NEGR1: variants seen among roughly 807,000 people sequenced by gnomAD.
NEGR1 encodes neuronal growth regulator 1.
A neutral mutation model predicts 40.9 loss-of-function variants in NEGR1; 10 were observed. The observed-to-expected ratio is 0.24, with a 90% CI of 0.15 to 0.42. NEGR1 has a LOEUF of 0.42. NEGR1 is among the 10% of genes least tolerant of loss of function. The pLI, the probability that NEGR1 is intolerant of heterozygous loss-of-function variation, is 1.00. For missense variants in NEGR1, 352 were observed against 438.9 expected, an observed-to-expected ratio of 0.80 and a Z score of 1.77; for synonymous variants, 185 against 166.8, an observed-to-expected ratio of 1.11 and a Z score of -0.84.
intron 2 of NEGR1, among the ~76,000 whole-genome samples, chr1:71,933,904 G>T (rs1645879335): frequency 6.6e-6 from 1 of 152,014 alleles, no homozygotes. Flanking sequence ...TTGAATTCAA[G>T]TTTACCTTTA....
chr1:71,654,355 A>G (rs1224851945), intron 4 of NEGR1, among the ~76,000 whole-genome samples: 1 of 152,190 alleles, frequency 6.6e-6, no homozygotes, highest in African/African-American at 2.4e-5. Context: ...TAATGTGCCA[A>G]TATTGTTTGA....
chr1:71,605,337 A>T (rs1212921383), intron 5 of NEGR1, among the ~76,000 whole-genome samples: 1 of 152,142 alleles, frequency 6.6e-6, no homozygotes, highest in Non-Finnish European at 1.5e-5. Context: ...GGTCATGAGA[A>T]ATCAGAAAGC....
At chr1:71,920,204 G>A (rs894383717) in intron 2 of NEGR1, among the ~76,000 whole-genome samples, 2 of 152,140 alleles carry the variant, frequency 1.3e-5, no homozygotes, top group Non-Finnish European at 1.5e-5. Flanking sequence ...TTATGGTAAT[G>A]CTCTGATTGA....
intron 3 of NEGR1, among the ~76,000 whole-genome samples, chr1:71,723,996 C>T (rs1654593376): frequency 6.6e-6 from 1 of 152,032 alleles, no homozygotes; most frequent in Admixed American, 6.6e-5. Context: ...AAAAAAAGTC[C>T]TCTCACCAGG....
intron 1 of NEGR1, among the ~76,000 whole-genome samples, chr1:72,156,254 T>A (rs1365783353): frequency 6.6e-6 from 1 of 152,158 alleles, no homozygotes; most frequent in Admixed American, 6.6e-5. Flanking sequence ...TCCTTTGGAT[T>A]CCTGTTGTAA....
At chr1:71,663,535 A>G (rs918074325) in intron 4 of NEGR1, among the ~76,000 whole-genome samples, 1 of 152,242 alleles carries the variant, frequency 6.6e-6, no homozygotes, top group Non-Finnish European at 1.5e-5. Context: ...GAGATATTCC[A>G]AAATGCCAAA....
intron 6 of NEGR1, among the ~76,000 whole-genome samples, chr1:71,426,115 A>G (rs1468474811): frequency 6.6e-6 from 1 of 152,176 alleles, no homozygotes; most frequent in Admixed American, 6.5e-5. Context: ...TTATTTCCCC[A>G]AACTTGTAAT....
intron 3 of NEGR1, among the ~76,000 whole-genome samples, chr1:71,741,000 G>C (rs1156758157): frequency 1.3e-5 from 2 of 152,154 alleles, no homozygotes; most frequent in Non-Finnish European, 2.9e-5. Context: ...TCAAGTGTCT[G>C]ATTTACACTC....
At chr1:71,428,131 G>A (rs780617822) in intron 6 of NEGR1, among the ~76,000 whole-genome samples, 1 of 152,188 alleles carries the variant, frequency 6.6e-6, no homozygotes, top group Non-Finnish European at 1.5e-5. Context: ...AGAAAGTGAG[G>A]TGAATGGGAA....
chr1:71,408,940 A>G (rs1646298180), intron 6 of NEGR1: 1 of 152,060 alleles, frequency 6.6e-6, no homozygotes, highest in Non-Finnish European at 1.5e-5. Context: ...CTTCCAAGAA[A>G]TTAAAGGGGA....
At chr1:71,844,290 C>T (rs1299573987) in intron 2 of NEGR1, among the ~76,000 whole-genome samples, 2 of 152,112 alleles carry the variant, frequency 1.3e-5, no homozygotes, top group African/African-American at 4.8e-5. Context: ...AGTGGGCCTT[C>T]CTTTGTAAAC....
At chr1:71,901,666 ATTTT>A (rs33958971) in intron 2 of NEGR1, among the ~76,000 whole-genome samples, 2,665 of 115,824 alleles carry the variant, frequency 0.023, 32 homozygotes, top group South Asian at 0.1. Context: ...TGAGATATAA[ATTTT>A]TTTTTTTTTT....
chr1:71,885,869 C>A (rs534696341), intron 2 of NEGR1, among the ~76,000 whole-genome samples: 1 of 152,202 alleles, frequency 6.6e-6, no homozygotes, highest in Non-Finnish European at 1.5e-5. Flanking sequence ...TATTAATAAT[C>A]AGTATGGAAA....
intron 2 of NEGR1, among the ~76,000 whole-genome samples, chr1:71,792,529 A>T (rs1044502928): frequency 6.6e-6 from 1 of 152,042 alleles, no homozygotes; most frequent in Non-Finnish European, 1.5e-5. Flanking sequence ...CAGAGATAGG[A>T]TGACCACCTG....
At chr1:72,067,459 A>G (rs1037894066) in intron 1 of NEGR1, among the ~76,000 whole-genome samples, 3 of 152,152 alleles carry the variant, frequency 2.0e-5, no homozygotes, top group African/African-American at 7.2e-5. Context: ...TTAACTACAG[A>G]AAAATAATTG....
chr1:71,495,094 A>G (rs1646953027), intron 6 of NEGR1, among the ~76,000 whole-genome samples: 1 of 152,212 alleles, frequency 6.6e-6, no homozygotes. Context: ...CACACATAAA[A>G]TACAAAATAT....
At chr1:71,673,381 T>C (rs2101602094) in intron 4 of NEGR1, among the ~76,000 whole-genome samples, 1 of 152,302 alleles carries the variant, frequency 6.6e-6, no homozygotes, top group African/African-American at 2.4e-5. Flanking sequence ...CAATTCAACA[T>C]TCAACAGAAA....
At chr1:71,684,761 T>C (rs1223650301) in intron 4 of NEGR1, among the ~76,000 whole-genome samples, 1 of 152,216 alleles carries the variant, frequency 6.6e-6, no homozygotes, top group Non-Finnish European at 1.5e-5. Context: ...AGGAGGTACC[T>C]ACATTGATTC....
chr1:72,126,088 AGTATGTGTGTGTGTGTGT>A (rs1005494052), intron 1 of NEGR1, among the ~76,000 whole-genome samples: 9 of 129,322 alleles, frequency 7.0e-5, no homozygotes, highest in Admixed American at 1.5e-4. Context: ...ATTAGAGAAA[AGTATGTGTGTGTGTGTGT>A]GTGTGTGTGT....
Sources: allele counts gnomAD v4.1 joint callset (sites outside exome capture counted in the v4.1 genomes callset), GRCh38; gene constraint gnomAD v4.1.1; transcripts MANE v1.5; gene names NCBI Gene and HGNC (gene_info 2026-07-23, HGNC 2026-07-21).